The following MPPED1 variants were observed in gnomAD, a reference collection of about 807,000 sequenced individuals.
MPPED1 encodes metallophosphoesterase domain containing 1.
A neutral mutation model predicts 36.2 loss-of-function variants in MPPED1; 16 were observed. The ratio of observed to expected loss-of-function variants is 0.44; its 90% CI spans 0.30 to 0.67. The LOEUF (loss-of-function observed/expected upper bound fraction) is 0.67. Among genes scored for constraint, MPPED1 ranks in the 30% least tolerant of loss-of-function variants. The probability of loss-of-function intolerance (pLI) is 0.10; values close to 1 mark genes in which losing one functional copy is unlikely to be tolerated. For synonymous variants in MPPED1, 199 were observed against 191.3 expected (o/e 1.04, Z -0.33); for missense variants, 307 against 453.4 (o/e 0.68, Z 2.93).
At chr22:43,500,436 G>GTGGAGGTGGTGA (rs772497366) in intron 5 of MPPED1, among the ~76,000 whole-genome samples, 8 of 147,164 alleles carry the variant, frequency 5.4e-5, no homozygotes, top group Non-Finnish European at 9.0e-5. Context: ...GGAGGTGGTG[G>GTGGAGGTGGTGA]TGGAGGTGGT....
At chr22:43,499,843 TGGTGGTGATGGTGGA>T (rs1172316188) in intron 5 of MPPED1, among the ~76,000 whole-genome samples, 22 of 14,532 alleles carry the variant, frequency 1.5e-3, no homozygotes, top group African/African-American at 4.1e-3. Context: ...ATGGAGGTGG[TGGTGGTGATGGTGGA>T]GGTGGTGGTG....
At chr22:43,446,560 T>A (rs576937586) in intron 3 of MPPED1, among the ~76,000 whole-genome samples, 1 of 152,266 alleles carries the variant, frequency 6.6e-6, no homozygotes, top group South Asian at 2.1e-4. Context: ...TGGGAAGATG[T>A]GGCTGGAACC....
Position 43,435,267 on chromosome 22 carries a change from C to T in MPPED1, c.406+52C>T, listed in dbSNP as rs961806394. ...GGCTGTGCTGAGCAGGAAGGGGGCT[C>T]CCGCCAGCTCCCGAGGCTGCCTGCC... On this transcript the variant is annotated intron_variant, in intron 3 of 6. Coordinates refer to ENST00000443721, the MANE Select transcript of MPPED1 (RefSeq NM_001044370.2). 5.1e-4 allele frequency: 781 copies of T among 1,534,044 alleles called. 5 individuals carry two copies. Among genetic ancestry groups the T allele is most frequent in the Non-Finnish European group, 1.1e-4 (123 of 1,141,810 alleles).
chr22:43,490,667 A>G (rs1932054397), intron 4 of MPPED1, among the ~76,000 whole-genome samples: 1 of 152,204 alleles, frequency 6.6e-6, no homozygotes, highest in Non-Finnish European at 1.5e-5. Context: ...TGTCTTGTAA[A>G]TATTTGATCA....
rs546351882 is a variant in MPPED1, at chr22:43,458,531, G to A, written c.407-16205G>A. On this transcript the variant is annotated intron_variant, in intron 3 of 6. Transcript: ENST00000443721. ...TATCTCCTGACCTCGTGATCCGCCC[G>A]CCTCAGACTCCCAAAGTGCTGGGAT... Among the ~76,000 whole-genome samples, 378 of 152,224 alleles carry A rather than the reference G, an allele frequency of 2.5e-3. 1 individual carries two copies. Among genetic ancestry groups the A allele is most frequent in the Admixed American group, 5.4e-3 (83 of 15,278 alleles).
intron 3 of MPPED1, among the ~76,000 whole-genome samples, chr22:43,437,303 T>G (rs933385449): frequency 4.6e-5 from 7 of 151,140 alleles, no homozygotes; most frequent in African/African-American, 1.7e-4. Context: ...TTACTGAGCA[T>G]TTAGTATGTG....
intron 2 of MPPED1, among the ~76,000 whole-genome samples, chr22:43,433,981 C>T (rs780939942): frequency 6.6e-6 from 1 of 152,160 alleles, no homozygotes; most frequent in Non-Finnish European, 1.5e-5. Context: ...GGAGACCGCA[C>T]TGGATGGAGA....
intron 4 of MPPED1, among the ~76,000 whole-genome samples, chr22:43,497,028 T>TGGTGGTGGTGGAGGTGGTGGTGGTGGA (rs1932429058): frequency 7.2e-6 from 1 of 137,974 alleles, no homozygotes; most frequent in Non-Finnish European, 1.6e-5. Flanking sequence ...GTGGTGGAAG[T>TGGTGGTGGTGGAGGTGGTGGTGGTGGA]GGTGGTGGTG....
chr22:43,473,088 G>A (rs996773354), intron 3 of MPPED1, among the ~76,000 whole-genome samples: 1 of 152,236 alleles, frequency 6.6e-6, no homozygotes, highest in Non-Finnish European at 1.5e-5. Flanking sequence ...TGGAGCAGAG[G>A]CATTTCTGGA....
chr22:43,477,885 G>C (rs1931627132), intron 4 of MPPED1, among the ~76,000 whole-genome samples: 1 of 152,234 alleles, frequency 6.6e-6, no homozygotes, highest in Admixed American at 6.5e-5. Context: ...GACACCGCCT[G>C]CCTTGTTGGG....
intron 3 of MPPED1, among the ~76,000 whole-genome samples, chr22:43,453,219 G>A (rs1930635685): frequency 6.6e-6 from 1 of 152,012 alleles, no homozygotes; most frequent in African/African-American, 2.4e-5. Context: ...CAAAGTGCTG[G>A]GATTACAGGC....
At chr22:43,431,329 C>T (rs1929679200) in intron 2 of MPPED1, among the ~76,000 whole-genome samples, 1 of 152,092 alleles carries the variant, frequency 6.6e-6, no homozygotes, top group South Asian at 2.1e-4. Context: ...AGGTGTGAGG[C>T]ATTGTGCCTG....
intron 3 of MPPED1, among the ~76,000 whole-genome samples, chr22:43,437,693 T>C (rs1310759396): frequency 6.6e-6 from 1 of 152,186 alleles, no homozygotes. Flanking sequence ...GCGGTTAGGC[T>C]CCCCTGCCTC....
chr22:43,416,630 T>C (rs573527878), intron 1 of MPPED1: 3 of 152,340 alleles, frequency 2.0e-5, no homozygotes, highest in South Asian at 4.1e-4. Flanking sequence ...GATATGTCTG[T>C]GTGCATGTTT....
intron 3 of MPPED1, among the ~76,000 whole-genome samples, chr22:43,462,831 C>T (rs1931000976): frequency 1.3e-5 from 2 of 152,136 alleles, no homozygotes; most frequent in Admixed American, 1.3e-4. Flanking sequence ...CTCCTTTCAC[C>T]TTTCTTCTGT....
chr22:43,451,998 C>T (rs73887316), intron 3 of MPPED1, among the ~76,000 whole-genome samples: 1 of 152,016 alleles, frequency 6.6e-6, no homozygotes, highest in South Asian at 2.1e-4. Flanking sequence ...GTGATCACCT[C>T]CCTATATTTT....
chr22:43,470,172 A>G (rs1055100251), intron 3 of MPPED1, among the ~76,000 whole-genome samples: 4 of 151,568 alleles, frequency 2.6e-5, no homozygotes, highest in Non-Finnish European at 5.9e-5. Context: ...CCATACATAT[A>G]TAAAGCATCC....
In MPPED1 at chr22:43,507,091, A is replaced by T. The variant is rs1464256366; in HGVS notation, c.*1475A>T. 1 of 152,088 alleles carries T rather than the reference A, an allele frequency of 6.6e-6. No homozygotes were observed. The highest frequency in any genetic ancestry group is 2.4e-5 in the African/African-American group (1 of 41,406). The allele number at this position is 152,088 out of a possible 1,614,324, so 9.4% of individuals were successfully genotyped here. A position where few individuals can be genotyped will look rare whatever the true frequency, so the allele number is the denominator to read the frequency against. On this transcript the variant is annotated 3_prime_UTR_variant, in exon 7 of 7. Coordinates refer to ENST00000443721, the MANE Select transcript of MPPED1 (RefSeq NM_001044370.2). ...TAGGTACTTTAGTCCCATTTTAGAG[A>T]TGAGACGATTGAGGCCAGAGGGGTG...
At chr22:43,413,852 C>T (rs892802121) in intron 1 of MPPED1, among the ~76,000 whole-genome samples, 1 of 152,164 alleles carries the variant, frequency 6.6e-6, no homozygotes, top group South Asian at 2.1e-4. Flanking sequence ...ATCGTGTGTT[C>T]GGAAGTGTTT....
Sources: gnomAD v4.1 joint callset for allele counts (sites outside exome capture counted in the v4.1 genomes callset) on GRCh38, gnomAD v4.1.1 for gene constraint, MANE v1.5 for transcripts, NCBI Gene and HGNC (gene_info 2026-07-23, HGNC 2026-07-21) for gene names.